The following CCDC141 variants were observed in gnomAD, a reference collection of about 807,000 sequenced individuals.
The protein encoded by CCDC141 is coiled-coil domain containing 141.
Under a neutral mutation model 181.0 loss-of-function variants are expected in CCDC141, and 168 were observed. The ratio of observed to expected loss-of-function variants is 0.93; its 90% CI spans 0.82 to 1.05. The LOEUF (loss-of-function observed/expected upper bound fraction) is 1.05, where lower values mean the gene tolerates loss of function less well. Ranked by LOEUF, CCDC141 falls within the 50% of genes least tolerant of loss-of-function variation. The pLI is 0.00. For synonymous variants in CCDC141, 666 were observed against 642.3 expected (o/e 1.04, Z -0.56); for missense variants, 1,902 against 1,788.5 (o/e 1.06, Z -1.14).
chr2:178,950,521 T>A (rs1575257052), intron 5 of CCDC141, among the ~76,000 whole-genome samples: 1 of 152,180 alleles, frequency 6.6e-6, no homozygotes, highest in East Asian at 1.9e-4. Context: ...ACCTGCAGAC[T>A]TGGGAGGAGA....
intron 2 of CCDC141, among the ~76,000 whole-genome samples, chr2:178,986,482 G>T (rs2154381783): frequency 6.6e-6 from 1 of 152,310 alleles, no homozygotes; most frequent in East Asian, 1.9e-4. Flanking sequence ...TTAGGCAGGA[G>T]AAGGAAATAA....
In CCDC141 at chr2:179,022,356, AGAAC is replaced by A. The variant is rs1173834160; in HGVS notation, c.225+24924_225+24927del. Among the ~76,000 whole-genome samples, 4 of 152,318 alleles carry A rather than the reference AGAAC, an allele frequency of 2.6e-5. No homozygotes were observed. In the South Asian group the frequency reaches 8.3e-4, roughly 32 times the overall value. ...CATTCCCTAAGACTTGATGAAAGCT[AGAAC>A]AATAGGAAGTTTTTGTACCAAACAG... is the stretch of plus-strand genomic sequence containing the variant. On this transcript the variant is annotated intron_variant, in intron 2 of 23. Coordinates refer to ENST00000443758, the MANE Select transcript of CCDC141 (RefSeq NM_173648.4).
At chr2:179,042,067 T>A (rs1680891649) in intron 2 of CCDC141, among the ~76,000 whole-genome samples, 2 of 152,132 alleles carry the variant, frequency 1.3e-5, no homozygotes, top group Admixed American at 1.3e-4. Context: ...GATAAGTGGA[T>A]CTGATAGTCA....
At chr2:178,848,959 C>T (rs984981497) in intron 21 of CCDC141, among the ~76,000 whole-genome samples, 2 of 151,398 alleles carry the variant, frequency 1.3e-5, no homozygotes, top group Non-Finnish European at 2.9e-5. Context: ...GGTAATAATA[C>T]AAAAGAAAGA....
chr2:179,049,496 A>G (rs1456721526), intron 1 of CCDC141, among the ~76,000 whole-genome samples: 1 of 152,190 alleles, frequency 6.6e-6, no homozygotes, highest in Non-Finnish European at 1.5e-5. Context: ...TTAGTCAGGC[A>G]ATCATGAACT....
In CCDC141 at chr2:178,868,202, C is replaced by T. The variant is rs762073205; in HGVS notation, c.2398G>A (p.Gly800Arg). The stretch of plus-strand genomic sequence containing the variant: ...AGCTCTCTTGATTTGATGAGACGTC[C>T]CAGCTACAATTTAGGGCATTAACAA... ...VQFHQVKEEL[G>R]RLIKSRELEF... The change falls in exon 16 of 24, where the codon GGA (glycine) becomes AGA (arginine). Residue 800 changes from glycine to arginine, a missense_variant. Coordinates refer to ENST00000443758, the MANE Select transcript of CCDC141 (RefSeq NM_173648.4). The T allele has an allele frequency of 2.5e-6, 4 of 1,605,528 alleles. No individual in the cohort carries two copies. In the Admixed American group the frequency reaches 5.0e-5, roughly 20 times the overall value.
chr2:178,965,908 C>T (rs535069766), intron 4 of CCDC141, among the ~76,000 whole-genome samples: 3 of 152,262 alleles, frequency 2.0e-5, no homozygotes, highest in South Asian at 2.1e-4. Flanking sequence ...AGTCTGAGAT[C>T]GACCCGGTAC....
Position 178,832,084 on chromosome 2 carries a change from A to T in CCDC141, c.*2089T>A, listed in dbSNP as rs1684269847. On this transcript the variant is annotated 3_prime_UTR_variant, in exon 24 of 24. Coordinates refer to ENST00000443758, the MANE Select transcript of CCDC141 (RefSeq NM_173648.4). Reference sequence around the variant, plus strand: ...GGAGATCCTGCCAAATTAATAAGAAAGAGAAAGTGGGAAGAGAGACAGTTT... The same window carrying T: ...GGAGATCCTGCCAAATTAATAAGAATGAGAAAGTGGGAAGAGAGACAGTTT... 6.6e-6 allele frequency: 1 copy of T among 152,204 alleles called. No individual in the cohort carries two copies. Among genetic ancestry groups the T allele is most frequent in the Admixed American group, 6.5e-5 (1 of 15,274 alleles). 9.4% of individuals were successfully genotyped at this position (152,204 alleles called of 1,614,324 possible).
intron 14 of CCDC141, 113 bp downstream of exon 14, chr2:178,871,314 T>G: frequency 8.0e-7 from 1 of 1,250,896 alleles, no homozygotes; most frequent in Non-Finnish European, 1.1e-6. Flanking sequence ...AGCAATACTT[T>G]TGTTTAAAAA....
At chr2:178,836,727 T>C in intron 23 of CCDC141, 167 bp downstream of exon 23, 1 of 675,016 alleles carries the variant, frequency 1.5e-6, no homozygotes, top group Non-Finnish European at 2.5e-6. Context: ...TTAACTATGC[T>C]GCTACTAAAA....
At chr2:179,030,021 T>G (rs939786138) in intron 2 of CCDC141, among the ~76,000 whole-genome samples, 2 of 152,126 alleles carry the variant, frequency 1.3e-5, no homozygotes, top group African/African-American at 4.8e-5. Flanking sequence ...CAGAGCATGA[T>G]TCTCTCTTCT....
chr2:178,837,910 C>G (rs989518415), intron 22 of CCDC141, among the ~76,000 whole-genome samples, 166 bp from the exon 23 acceptor site: 1 of 152,194 alleles, frequency 6.6e-6, no homozygotes, highest in African/African-American at 2.4e-5. Flanking sequence ...GTCTGTCGAT[C>G]CTGAGCACAG....
chr2:179,033,488 T>C (rs533536124), intron 2 of CCDC141, among the ~76,000 whole-genome samples: 31 of 152,240 alleles, frequency 2.0e-4, no homozygotes, highest in Admixed American at 1.0e-3. Context: ...TTTTCTAGAG[T>C]AGAAAGATCT....
chr2:178,894,418 A>G (rs901735629), intron 8 of CCDC141, among the ~76,000 whole-genome samples: 2 of 152,202 alleles, frequency 1.3e-5, no homozygotes, highest in Admixed American at 6.5e-5. Flanking sequence ...GATATGTTCA[A>G]CAACCAAGAG....
At chr2:178,875,292 CT>C in intron 12 of CCDC141, 1 of 152,258 alleles carries the variant, frequency 6.6e-6, no homozygotes, top group Non-Finnish European at 1.5e-5. Context: ...TGGCCGGGCG[CT>C]GTGGTTCATG....
rs536228924 is a variant in CCDC141 at position 178,891,324 on chromosome 2, G to A, written c.1266-2656C>T. Among the ~76,000 whole-genome samples, 38 of 152,144 alleles carry A rather than the reference G, an allele frequency of 2.5e-4. No individual in the cohort carries two copies. The South Asian group carries it at 7.3e-3, about 29-fold the overall frequency. On this transcript the variant is annotated intron_variant, in intron 8 of 23. Coordinates refer to ENST00000443758, the MANE Select transcript of CCDC141 (RefSeq NM_173648.4). ...TGAGTAGGATTGTTATCCCCATTTC[G>A]CAGATAAGTAGACTGAGGAACAGAG...
chr2:179,017,846 G>A (rs916895443), intron 2 of CCDC141, among the ~76,000 whole-genome samples: 1 of 152,058 alleles, frequency 6.6e-6, no homozygotes, highest in South Asian at 2.1e-4. Context: ...GATGAGGTAT[G>A]GCACTTATAA....
At chr2:178,977,186 G>A (rs1211453295) in intron 3 of CCDC141, among the ~76,000 whole-genome samples, 1 of 152,002 alleles carries the variant, frequency 6.6e-6, no homozygotes, top group Non-Finnish European at 1.5e-5. Flanking sequence ...AAGAGTGTTG[G>A]GCTTAATTAT....
At chr2:179,002,046 T>C (rs995359375) in intron 2 of CCDC141, 19 of 163,170 alleles carry the variant, frequency 1.2e-4, no homozygotes, top group Non-Finnish European at 1.3e-4. Flanking sequence ...CTCTAACTCT[T>C]GACCTCAACT....
Sources: gnomAD v4.1 joint callset for allele counts (sites outside exome capture counted in the v4.1 genomes callset) on GRCh38, gnomAD v4.1.1 for gene constraint, MANE v1.5 for transcripts, NCBI Gene and HGNC (gene_info 2026-07-23, HGNC 2026-07-21) for gene names.